PTGER4: variants seen among roughly 807,000 people sequenced by gnomAD.
The protein encoded by PTGER4 is prostaglandin E receptor 4.
PTGER4 carries 11 observed loss-of-function variants against 33.2 expected under a neutral mutation model. The observed-to-expected ratio is 0.33, with a 90% CI of 0.21 to 0.55. The LOEUF (loss-of-function observed/expected upper bound fraction) is 0.55. PTGER4 is among the 20% of genes least tolerant of loss of function. PTGER4 has a pLI of 0.92. For missense variants in PTGER4, 481 were observed against 650.2 expected (o/e 0.74, Z 2.83); for synonymous variants, 275 against 281.5 (o/e 0.98, Z 0.23).
chr5:40,727,783 T>C, the PTGER4 span, among the ~76,000 whole-genome samples: 1 of 152,202 alleles, frequency 6.6e-6, no homozygotes, highest in Non-Finnish European at 1.5e-5. Context: ...CAATGTTTTA[T>C]GTTAAATTTT....
At chr5:40,686,752 G>T (rs1416200945) in intron 2 of PTGER4, among the ~76,000 whole-genome samples, 1 of 152,144 alleles carries the variant, frequency 6.6e-6, no homozygotes, top group African/African-American at 2.4e-5. Flanking sequence ...AAAAAAATTA[G>T]GTGGGTGTGG....
At chr5:40,746,276 G>C in the PTGER4 span, among the ~76,000 whole-genome samples, 25 of 152,150 alleles carry the variant, frequency 1.6e-4, no homozygotes, top group African/African-American at 5.5e-4. Flanking sequence ...GAACAACTTA[G>C]CTAAAGAAGG....
chr5:40,716,551 A>T, the PTGER4 span: 1 of 1,190,826 alleles, frequency 8.4e-7, no homozygotes, highest in East Asian at 2.3e-5. Context: ...TAGTATGTTT[A>T]ATACAATCCT....
the PTGER4 span, among the ~76,000 whole-genome samples, chr5:40,705,630 A>G: frequency 6.6e-6 from 1 of 152,190 alleles, no homozygotes; most frequent in Non-Finnish European, 1.5e-5. Context: ...AATTTACAAG[A>G]GAAAAACAAA....
At chr5:40,701,863 T>C in the PTGER4 span, among the ~76,000 whole-genome samples, 6 of 151,974 alleles carry the variant, frequency 3.9e-5, no homozygotes, top group East Asian at 3.9e-4. Context: ...CCAGAAGAGA[T>C]TGGGGGCCTA....
At chr5:40,709,958 A>G in the PTGER4 span, among the ~76,000 whole-genome samples, 1 of 152,224 alleles carries the variant, frequency 6.6e-6, no homozygotes, top group Admixed American at 6.5e-5. Context: ...TGTTAGACCT[A>G]AAACCATAAA....
chr5:40,734,019 G>C, the PTGER4 span, among the ~76,000 whole-genome samples: 1 of 152,210 alleles, frequency 6.6e-6, no homozygotes, highest in Non-Finnish European at 1.5e-5. Flanking sequence ...GCTGCCAGCA[G>C]AGGCATCCCT....
chr5:40,699,306 A>C, the PTGER4 span, among the ~76,000 whole-genome samples: 1 of 152,190 alleles, frequency 6.6e-6, no homozygotes, highest in Non-Finnish European at 1.5e-5. Flanking sequence ...CCACACTATC[A>C]AATGTGATAT....
At chr5:40,730,327 G>A in the PTGER4 span, 1 of 1,612,516 alleles carries the variant, frequency 6.2e-7, no homozygotes, top group Non-Finnish European at 8.5e-7. Context: ...TCCCACTTCT[G>A]AATTGCCTCC....
At chr5:40,696,945 GGAAAGAGA>G (rs1741593714), downstream of PTGER4, among the ~76,000 whole-genome samples, 1 of 121,800 alleles carries the variant, frequency 8.2e-6, no homozygotes, top group Non-Finnish European at 1.7e-5. Context: ...TAAGAAAGAA[GGAAAGAGA>G]GAAAGAGAGA....
At chr5:40,714,241 C>CA in the PTGER4 span, among the ~76,000 whole-genome samples, 3 of 152,040 alleles carry the variant, frequency 2.0e-5, no homozygotes, top group Non-Finnish European at 2.9e-5. Flanking sequence ...GAAAGGATTA[C>CA]AAAAAAAGTT....
chr5:40,739,943 T>TA, the PTGER4 span, among the ~76,000 whole-genome samples: 633 of 152,274 alleles, frequency 4.2e-3, 3 homozygotes, highest in African/African-American at 0.015. Context: ...GTGCTTTTTT[T>TA]TAAAAATAAA....
At chr5:40,728,143 G>A in the PTGER4 span, among the ~76,000 whole-genome samples, 1 of 151,776 alleles carries the variant, frequency 6.6e-6, no homozygotes, top group Admixed American at 6.6e-5. Flanking sequence ...CATTAGCCAG[G>A]CATGGTGGCG....
chr5:40,727,188 G>C, the PTGER4 span, among the ~76,000 whole-genome samples: 3 of 152,118 alleles, frequency 2.0e-5, no homozygotes, highest in Non-Finnish European at 4.4e-5. Flanking sequence ...TAAAACCACT[G>C]TTAGTAAGTT....
chr5:40,690,725 A>G (rs987589934), intron 2 of PTGER4, among the ~76,000 whole-genome samples: 1 of 152,238 alleles, frequency 6.6e-6, no homozygotes, highest in African/African-American at 2.4e-5. Context: ...TGGTTAATTG[A>G]CTTATAAAAT....
intron 2 of PTGER4, among the ~76,000 whole-genome samples, chr5:40,689,299 TA>T (rs1741408469): frequency 1.3e-5 from 2 of 152,214 alleles, no homozygotes; most frequent in Admixed American, 6.5e-5. Context: ...CAGAGACCTA[TA>T]GCTAATTAAG....
chr5:40,742,929 AC>A, the PTGER4 span, among the ~76,000 whole-genome samples: 12 of 152,350 alleles, frequency 7.9e-5, no homozygotes, highest in African/African-American at 2.4e-4. Flanking sequence ...CAGCCAAAAA[AC>A]ATCACAGCTT....
At chr5:40,685,243 G>A (rs1741296443) in intron 2 of PTGER4, 1 of 225,674 alleles carries the variant, frequency 4.4e-6, no homozygotes, top group Non-Finnish European at 7.4e-6. Context: ...TAAAACTTAG[G>A]TCCTTAGGAA....
At chr5:40,721,105 G>A in the PTGER4 span, among the ~76,000 whole-genome samples, 2 of 152,086 alleles carry the variant, frequency 1.3e-5, no homozygotes, top group East Asian at 3.9e-4. Flanking sequence ...AAAAGAATTG[G>A]TCCACACTGT....
Sources: gnomAD v4.1 joint callset for allele counts (sites outside exome capture counted in the v4.1 genomes callset) on GRCh38, gnomAD v4.1.1 for gene constraint, MANE v1.5 for transcripts, NCBI Gene and HGNC (gene_info 2026-07-23, HGNC 2026-07-21) for gene names.